The following RAD51B variants were observed in gnomAD, a reference collection of about 807,000 sequenced individuals.
RAD51B encodes the protein DNA repair protein RAD51 homolog 2.
Under a neutral mutation model 42.2 loss-of-function variants are expected in RAD51B, and 38 were observed. The ratio of observed to expected loss-of-function variants is 0.90; its 90% confidence interval spans 0.70 to 1.18. RAD51B has a LOEUF of 1.18. Ranked by LOEUF, RAD51B falls within the 50% of genes most tolerant of loss-of-function variation. The probability of loss-of-function intolerance (pLI) is 0.00; values close to 1 mark genes in which losing one functional copy is unlikely to be tolerated. For synonymous variants in RAD51B, 154 were observed against 145.2 expected (o/e 1.06, Z -0.43); for missense variants, 373 against 400.7 (o/e 0.93, Z 0.59).
intron 8 of RAD51B, among the ~76,000 whole-genome samples, chr14:68,311,928 A>T (rs764481429): frequency 6.6e-6 from 1 of 152,186 alleles, no homozygotes; most frequent in Non-Finnish European, 1.5e-5. Context: ...AGGTAACTGG[A>T]TATTGGCCCC....
intron 3 of RAD51B, among the ~76,000 whole-genome samples, chr14:67,831,229 G>A (rs919745413): frequency 1.3e-5 from 2 of 152,142 alleles, no homozygotes; most frequent in East Asian, 3.8e-4. Context: ...TGGGAAATAG[G>A]CAGTTAAATA....
intron 11 of RAD51B, among the ~76,000 whole-genome samples, chr14:68,679,578 C>T (rs77191156): frequency 6.6e-6 from 1 of 152,260 alleles, no homozygotes; most frequent in African/African-American, 2.4e-5. Context: ...GGCCACAGAA[C>T]TTTCAGGTAC....
At chr14:68,123,738 G>A (rs901478230) in intron 7 of RAD51B, among the ~76,000 whole-genome samples, 4 of 152,156 alleles carry the variant, frequency 2.6e-5, no homozygotes, top group African/African-American at 9.7e-5. Context: ...AACCCGGGAG[G>A]TGGAGGTTGC....
At chr14:67,844,688 T>G (rs2041551434) in intron 4 of RAD51B, among the ~76,000 whole-genome samples, 1 of 151,502 alleles carries the variant, frequency 6.6e-6, no homozygotes, top group Non-Finnish European at 1.5e-5. Context: ...GTTACATATG[T>G]ATACATGTGC....
At chr14:68,602,474 G>T (rs1344115283) in intron 10 of RAD51B, among the ~76,000 whole-genome samples, 1 of 150,450 alleles carries the variant, frequency 6.6e-6, no homozygotes, top group Non-Finnish European at 1.5e-5. Context: ...TAGATGGGTG[G>T]GTGGGTGGAT....
intron 10 of RAD51B, among the ~76,000 whole-genome samples, chr14:68,534,512 C>T (rs1200764821): frequency 3.3e-5 from 5 of 152,146 alleles, no homozygotes. Context: ...TCCCTATCTA[C>T]AGGCTCTGGG....
At chr14:68,088,880 T>A (rs1420523268) in intron 7 of RAD51B, among the ~76,000 whole-genome samples, 1 of 152,048 alleles carries the variant, frequency 6.6e-6, no homozygotes, top group Admixed American at 6.6e-5. Context: ...CCTTCCTAAT[T>A]AAGTGGTGAG....
At chr14:67,957,565 A>C (rs1179793329) in intron 7 of RAD51B, among the ~76,000 whole-genome samples, 2 of 152,190 alleles carry the variant, frequency 1.3e-5, no homozygotes, top group Admixed American at 6.5e-5. Context: ...GGCCAGAGGA[A>C]GTTTTAGAGA....
Position 68,320,517 on chromosome 14 carries a change from C to G in RAD51B, c.853+28537C>G, listed in dbSNP as rs572914131. ...TTGTTCCAAGATGGCTGTTCTAATT[C>G]TGCAGAGCTACCGTAGTATTCAGCC... On this transcript the variant is annotated intron_variant, in intron 8 of 10. Transcript: ENST00000471583. Among the ~76,000 whole-genome samples the G allele has an allele frequency of 2.6e-5, 4 of 152,336 alleles. No homozygotes were observed. In the East Asian group the frequency reaches 7.7e-4, roughly 29 times the overall value.
At chr14:68,316,309 T>C (rs964175559) in intron 8 of RAD51B, among the ~76,000 whole-genome samples, 2 of 152,230 alleles carry the variant, frequency 1.3e-5, no homozygotes, top group African/African-American at 4.8e-5. Flanking sequence ...ACAAATGGAA[T>C]TGGTTCCAGT....
intron 7 of RAD51B, chr14:68,000,446 A>G (rs148135041): frequency 6.6e-6 from 1 of 152,234 alleles, no homozygotes; most frequent in Non-Finnish European, 1.5e-5. Flanking sequence ...AAATACTGTC[A>G]AGGGTTTTAT....
intron 7 of RAD51B, among the ~76,000 whole-genome samples, chr14:68,221,223 G>C (rs1460966394): frequency 2.6e-5 from 4 of 151,882 alleles, no homozygotes; most frequent in Non-Finnish European, 5.9e-5. Flanking sequence ...AACCAAAAAA[G>C]AGCCTGTGAG....
chr14:67,936,032 A>G (rs1229547148), intron 7 of RAD51B, among the ~76,000 whole-genome samples: 6 of 151,708 alleles, frequency 4.0e-5, no homozygotes, highest in African/African-American at 1.5e-4. Flanking sequence ...GGTCTATCTT[A>G]TAAAGGACAC....
chr14:68,486,059 A>G (rs948848085), intron 10 of RAD51B, among the ~76,000 whole-genome samples: 1 of 152,176 alleles, frequency 6.6e-6, no homozygotes, highest in Non-Finnish European at 1.5e-5. Context: ...ACCCAAACCA[A>G]ATGTATTCAA....
chr14:68,569,636 G>T (rs141192408), intron 10 of RAD51B, among the ~76,000 whole-genome samples: 1 of 152,196 alleles, frequency 6.6e-6, no homozygotes, highest in Non-Finnish European at 1.5e-5. Flanking sequence ...ACCTCTGCCC[G>T]CAGAGAGGGC....
At chr14:68,163,252 C>T (rs764927170) in intron 7 of RAD51B, among the ~76,000 whole-genome samples, 1 of 152,188 alleles carries the variant, frequency 6.6e-6, no homozygotes, top group Non-Finnish European at 1.5e-5. Flanking sequence ...AGCATTTTCT[C>T]GTTTTGCCAG....
chr14:67,844,369 A>C (rs773421612), intron 4 of RAD51B, among the ~76,000 whole-genome samples: 3 of 151,698 alleles, frequency 2.0e-5, no homozygotes, highest in Non-Finnish European at 4.4e-5. Context: ...TATTAGGTTC[A>C]TTTGGTCAAG....
chr14:68,203,439 T>C (rs1440850118), intron 7 of RAD51B, among the ~76,000 whole-genome samples: 2 of 152,248 alleles, frequency 1.3e-5, no homozygotes, highest in Non-Finnish European at 2.9e-5. Context: ...TAAACAGATG[T>C]GCTGCCATCC....
intron 7 of RAD51B, among the ~76,000 whole-genome samples, chr14:67,967,481 A>G (rs2074804551): frequency 6.6e-6 from 1 of 152,218 alleles, no homozygotes; most frequent in Non-Finnish European, 1.5e-5. Context: ...AAAGCAAGCT[A>G]GTTGTTTCCT....
Sources: gnomAD v4.1 joint callset for allele counts (sites outside exome capture counted in the v4.1 genomes callset) on GRCh38, gnomAD v4.1.1 for gene constraint, MANE v1.5 for transcripts, NCBI Gene and HGNC (gene_info 2026-07-23, HGNC 2026-07-21) for gene names.